DACH2: variants seen among roughly 807,000 people sequenced by gnomAD.
The protein encoded by DACH2 is dachshund family transcription factor 2.
DACH2 carries 17 observed loss-of-function variants against 35.8 expected under a neutral mutation model. The ratio of observed to expected loss-of-function variants is 0.48; its 90% CI spans 0.33 to 0.71. The LOEUF (loss-of-function observed/expected upper bound fraction) is 0.71. DACH2 is among the 30% of genes least tolerant of loss of function. DACH2 has a pLI of 0.02. For synonymous variants in DACH2, 195 were observed against 177.3 expected, an observed-to-expected ratio of 1.10 and a Z score of -0.79; for missense variants, 469 against 472.7, an observed-to-expected ratio of 0.99 and a Z score of 0.07.
At chrX:86,673,403 C>T (rs761888893) in intron 4 of DACH2, among the ~76,000 whole-genome samples, 1 of 109,120 alleles carries the variant, frequency 9.2e-6, no homozygotes, top group East Asian at 2.9e-4. Flanking sequence ...AATGAATTCC[C>T]TGCTGGGTTT....
At chrX:86,581,414 A>G (rs1285591349) in intron 3 of DACH2, among the ~76,000 whole-genome samples, 2 of 85,327 alleles carry the variant, frequency 2.3e-5, no homozygotes, top group African/African-American at 6.8e-5. Flanking sequence ...CTCCAGCTAA[A>G]AGGCACAGAG....
chrX:86,268,035 G>T (rs1015479921), intron 1 of DACH2, among the ~76,000 whole-genome samples: 6 of 111,904 alleles, frequency 5.4e-5, no homozygotes, highest in African/African-American at 1.9e-4. Flanking sequence ...GAGAACAGCA[G>T]TAGATGAGAA....
Position 86,312,751 on chromosome X carries a change from G to GGAC in DACH2, c.489-64072_489-64070dup, listed in dbSNP as rs2034826670. On this transcript the variant is annotated intron_variant, in intron 1 of 11. Coordinates refer to ENST00000373125, the MANE Select transcript of DACH2 (RefSeq NM_053281.3). ...TCCAATTTCTTCAGTTTTGGGACTT[G>GGAC]GACTGGCTCTCCTTGCTCCTCAGCT... Among the ~76,000 whole-genome samples, 3 of 111,829 alleles carry GGAC rather than the reference G, an allele frequency of 2.7e-5. No individual in the cohort carries two copies. The Admixed American group carries it at 2.9e-4, about 11-fold the overall frequency.
intron 1 of DACH2, among the ~76,000 whole-genome samples, chrX:86,340,083 A>G (rs969495276): frequency 6.2e-5 from 7 of 112,093 alleles, no homozygotes; most frequent in Admixed American, 1.9e-4. Context: ...ATCAATAAAA[A>G]CACTATTTTT....
intron 6 of DACH2, among the ~76,000 whole-genome samples, chrX:86,736,189 A>G (rs1405680973): frequency 9.0e-6 from 1 of 111,438 alleles, no homozygotes; most frequent in Non-Finnish European, 1.9e-5. Flanking sequence ...ATTCTTAATC[A>G]ATGTACGACA....
intron 1 of DACH2, among the ~76,000 whole-genome samples, chrX:86,169,751 G>T (rs1171235083): frequency 9.1e-6 from 1 of 110,450 alleles, no homozygotes; most frequent in African/African-American, 3.3e-5. Flanking sequence ...TTCCTTCTTT[G>T]CATTATCTTG....
intron 3 of DACH2, among the ~76,000 whole-genome samples, chrX:86,546,550 T>C (rs1306991779): frequency 1.1e-5 from 1 of 94,053 alleles, no homozygotes; most frequent in Admixed American, 1.2e-4. Flanking sequence ...TGTCTCCCAC[T>C]GTCACCCAGG....
intron 1 of DACH2, among the ~76,000 whole-genome samples, chrX:86,180,937 T>G (rs933409234): frequency 9.0e-6 from 1 of 111,067 alleles, no homozygotes; most frequent in African/African-American, 3.3e-5. Flanking sequence ...CCTCCATGGT[T>G]GCACCAAATT....
intron 2 of DACH2, among the ~76,000 whole-genome samples, chrX:86,464,222 T>G (rs2037625477): frequency 9.0e-6 from 1 of 111,619 alleles, no homozygotes; most frequent in Admixed American, 9.6e-5. Context: ...CACACACACG[T>G]ATGTTTATTC....
At chrX:86,215,292 C>A (rs765819277) in intron 1 of DACH2, among the ~76,000 whole-genome samples, 20 of 111,156 alleles carry the variant, frequency 1.8e-4, no homozygotes, top group Non-Finnish European at 3.8e-4. Context: ...CCTAGAATGG[C>A]TGAAGTTTCT....
chrX:86,161,221 C>T lies in DACH2; in HGVS notation c.488+12113C>T. 4.2e-6 allele frequency: 5 copies of T among 1,186,719 alleles called. No individual in the cohort carries two copies. In the South Asian group the frequency reaches 8.8e-5, roughly 21 times the overall value. ...TTAACACCAACAATTAGTTGTTTCA[C>T]ATCCAGTGTGTAAGCCAGAAGGGCA... On this transcript the variant is annotated intron_variant, in intron 1 of 11. Coordinates refer to ENST00000373125, the MANE Select transcript of DACH2 (RefSeq NM_053281.3).
At chrX:86,743,743 G>A (rs1287728028) in intron 7 of DACH2, among the ~76,000 whole-genome samples, 3 of 111,120 alleles carry the variant, frequency 2.7e-5, no homozygotes, top group African/African-American at 9.8e-5. Context: ...GACAGTGAAA[G>A]GCTATACCCT....
intron 3 of DACH2, among the ~76,000 whole-genome samples, chrX:86,584,054 G>A (rs2039537224): frequency 1.8e-5 from 2 of 110,214 alleles, no homozygotes; most frequent in Non-Finnish European, 3.8e-5. Context: ...TTAGAATCAC[G>A]TGGGCCCGGA....
chrX:86,160,178 A>G, intron 1 of DACH2: 3 of 1,041,642 alleles, frequency 2.9e-6, no homozygotes, highest in Non-Finnish European at 1.3e-6. Flanking sequence ...CAGTTCAAAG[A>G]TTCTTCTTCC....
chrX:86,300,155 C>T (rs750639029), intron 1 of DACH2, among the ~76,000 whole-genome samples: 96 of 110,734 alleles, frequency 8.7e-4, no homozygotes, highest in Non-Finnish European at 1.5e-3. Flanking sequence ...TGTTTGTACC[C>T]ATTAGCCGTT....
intron 1 of DACH2, among the ~76,000 whole-genome samples, chrX:86,357,204 A>AAATGGTC (rs1459373463): frequency 8.9e-6 from 1 of 112,519 alleles, no homozygotes; most frequent in African/African-American, 3.2e-5. Flanking sequence ...AGCTTACTTG[A>AAATGGTC]AATGGTCCTC....
At chrX:86,680,735 C>T (rs1352205956) in intron 4 of DACH2, among the ~76,000 whole-genome samples, 1 of 105,857 alleles carries the variant, frequency 9.4e-6, no homozygotes, top group Non-Finnish European at 1.9e-5. Context: ...CTCACTGCAG[C>T]CTTGACCTCC....
chrX:86,288,489 C>T (rs1028410241), intron 1 of DACH2, among the ~76,000 whole-genome samples: 17 of 112,021 alleles, frequency 1.5e-4, no homozygotes, highest in East Asian at 2.8e-4. Flanking sequence ...CTCCCCCAGA[C>T]GCCTGACATA....
chrX:86,688,151 C>G (rs1031635262), intron 4 of DACH2, among the ~76,000 whole-genome samples: 3 of 112,144 alleles, frequency 2.7e-5, no homozygotes, highest in African/African-American at 9.7e-5. Flanking sequence ...TCTTAGAACC[C>G]TTTGAAGGTT....
Sources: gnomAD v4.1 joint callset for allele counts (sites outside exome capture counted in the v4.1 genomes callset) on GRCh38, gnomAD v4.1.1 for gene constraint, MANE v1.5 for transcripts, NCBI Gene and HGNC (gene_info 2026-07-23, HGNC 2026-07-21) for gene names.